RGS12: variants seen among roughly 807,000 people sequenced by gnomAD.
RGS12 encodes regulator of G-protein signaling 12.
A neutral mutation model predicts 120.1 loss-of-function variants in RGS12; 66 were observed. That is an observed-to-expected ratio of 0.55 (90% CI 0.45 to 0.67). The LOEUF (loss-of-function observed/expected upper bound fraction) is 0.67, where lower values mean the gene tolerates loss of function less well. Ranked by LOEUF, RGS12 falls within the 30% of genes least tolerant of loss-of-function variation. RGS12 has a pLI of 0.00. For missense variants in RGS12, 1,859 were observed against 1,957.7 expected (o/e 0.95, Z 0.95); for synonymous variants, 827 against 804.7 (o/e 1.03, Z -0.47).
At chr4:3,386,712 C>T (rs569613999) in intron 4 of RGS12, among the ~76,000 whole-genome samples, 6 of 152,256 alleles carry the variant, frequency 3.9e-5, no homozygotes, top group South Asian at 2.1e-4. Flanking sequence ...TGCACCCACC[C>T]GCCTGCCTGT....
chr4:3,305,882 C>G (rs1442048718), intron 1 of RGS12, among the ~76,000 whole-genome samples: 5 of 152,256 alleles, frequency 3.3e-5, no homozygotes, highest in Non-Finnish European at 5.9e-5. Context: ...GAGTTGTTTT[C>G]TCAGCCTGCT....
intron 2 of RGS12, among the ~76,000 whole-genome samples, chr4:3,328,189 G>A (rs1725689715): frequency 6.6e-6 from 1 of 152,218 alleles, no homozygotes; most frequent in Admixed American, 6.5e-5. Flanking sequence ...GCTAAATGAT[G>A]TGTACACATG....
intron 2 of RGS12, among the ~76,000 whole-genome samples, chr4:3,322,329 T>A (rs1488010332): frequency 6.6e-6 from 1 of 152,032 alleles, no homozygotes; most frequent in East Asian, 1.9e-4. Context: ...ATTCTTGAAG[T>A]GGGTGAGATG....
chr4:3,289,071 T>A (rs1722959019), upstream of RGS12, among the ~76,000 whole-genome samples: 1 of 152,132 alleles, frequency 6.6e-6, no homozygotes. Flanking sequence ...CACCTCCCCC[T>A]ATCAGCCTCC....
At chr4:3,424,121 G>A (rs1007437676) in intron 13 of RGS12, among the ~76,000 whole-genome samples, 2 of 152,264 alleles carry the variant, frequency 1.3e-5, no homozygotes, top group African/African-American at 2.4e-5. Flanking sequence ...ATTATGATGT[G>A]AATGGGGTTA....
At position 3,428,773 on chromosome 4, in the gene RGS12, T is replaced by A. The variant is rs973931792; in HGVS notation, c.3565+62T>A. 8 of 1,400,256 alleles carry A rather than the reference T, an allele frequency of 5.7e-6. No homozygotes were observed. The South Asian group carries it at 1.1e-4, about 19-fold the overall frequency. 86.7% of individuals were successfully genotyped at this position (1,400,256 alleles called of 1,614,324 possible). A position where few individuals can be genotyped will look rare whatever the true frequency, so the allele number is the denominator to read the frequency against. On this transcript the variant is annotated intron_variant, in intron 16 of 17. Transcript: ENST00000336727. ...AATGCACAGTTAGTTTCCAGTATAG[T>A]CAGTAGATCTGCTTTGAGCTGTCAG...
chr4:3,355,016 G>C (rs964501725), intron 3 of RGS12, among the ~76,000 whole-genome samples: 15 of 152,132 alleles, frequency 9.9e-5, no homozygotes, highest in African/African-American at 3.1e-4. Flanking sequence ...GAAATCATAG[G>C]CCAAGCTTGC....
intron 2 of RGS12, chr4:3,342,701 C>T (rs779663758): frequency 5.1e-6 from 4 of 787,400 alleles, no homozygotes; most frequent in Non-Finnish European, 5.7e-6. Flanking sequence ...GTCAGAGGCA[C>T]ACAGTTGGCA....
intron 3 of RGS12, among the ~76,000 whole-genome samples, chr4:3,376,793 A>T (rs1245428065): frequency 2.6e-5 from 4 of 152,160 alleles, no homozygotes; most frequent in African/African-American, 9.7e-5. Flanking sequence ...GTGAGCCACT[A>T]AGCCAGGGCA....
At chr4:3,297,003 A>G (rs1325073238) in intron 1 of RGS12, among the ~76,000 whole-genome samples, 2 of 152,386 alleles carry the variant, frequency 1.3e-5, no homozygotes, top group East Asian at 3.9e-4. Flanking sequence ...AGATTCTTCC[A>G]TGAAGGAGCC....
Position 3,430,769 on chromosome 4 carries a change from C to A in RGS12, c.3928C>A (p.Gln1310Lys), listed in dbSNP as rs1321690307. 2 of 1,610,428 alleles carry A rather than the reference C, an allele frequency of 1.2e-6. No homozygotes were observed. The highest frequency in any genetic ancestry group is 1.7e-5 in the Admixed American group (1 of 59,824). Residue 1310 changes from glutamine to lysine, a missense_variant, in exon 17 of 18, where the codon CAG (glutamine) becomes AAG (lysine). This residue lies in a region of RGS12 where 517 missense variants were observed against 488.5 expected (regional missense o/e 1.06). Transcript: ENST00000336727. Reference sequence around the variant, plus strand: ...TCCCCAGTCCCCCGTCTCCCTCGCGCAGGAGGGCACCGCCCAGATCTGGAA... The same window carrying A: ...TCCCCAGTCCCCCGTCTCCCTCGCGAAGGAGGGCACCGCCCAGATCTGGAA... Reference protein sequence around the residue: ...CTPQSPVSLAQEGTAQIWKRQ... With the variant: ...CTPQSPVSLAKEGTAQIWKRQ...
At chr4:3,362,486 G>A (rs1010128565) in intron 3 of RGS12, among the ~76,000 whole-genome samples, 13 of 148,042 alleles carry the variant, frequency 8.8e-5, no homozygotes, top group Non-Finnish European at 1.8e-4. Context: ...GTGTGTATGT[G>A]AGGGTGTGTG....
Position 3,336,824 on chromosome 4 carries a change from T to C in RGS12, c.1882-6113T>C, listed in dbSNP as rs558082517. Among the ~76,000 whole-genome samples the C allele has an allele frequency of 2.8e-4, 43 of 152,266 alleles. No homozygotes were observed. The South Asian group carries it at 8.5e-3, about 30-fold the overall frequency. On this transcript the variant is annotated intron_variant, in intron 2 of 17. Transcript: ENST00000336727. ...ACATTTGCAAGCCATGTATCTGATA[T>C]GCAGTTAATATGCAGAGTCTATAGA...
At chr4:3,290,971 T>C (rs1038840840), upstream of RGS12, among the ~76,000 whole-genome samples, 9 of 152,380 alleles carry the variant, frequency 5.9e-5, no homozygotes, top group African/African-American at 2.2e-4. Flanking sequence ...TTCACGGGGA[T>C]GGACTAGGGT....
At chr4:3,429,901 C>G (rs1694106578) in intron 16 of RGS12, among the ~76,000 whole-genome samples, 1 of 152,182 alleles carries the variant, frequency 6.6e-6, no homozygotes, top group Non-Finnish European at 1.5e-5. Flanking sequence ...TGCCCCTTCC[C>G]AGACCACCCG....
In RGS12 at chr4:3,390,822, G is replaced by T. The variant is rs1461390734; in HGVS notation, c.2020+4385G>T. 3.3e-5 allele frequency among the ~76,000 whole-genome samples: 5 copies of T among 152,200 alleles called. No homozygotes were observed. Among genetic ancestry groups the T allele is most frequent in the Non-Finnish European group, 7.3e-5 (5 of 68,046 alleles). ...ACAAACGGCTGCCTGATGGGGGAGG[G>T]TTACCGTAATTGCCGGATTAACTTG... On this transcript the variant is annotated intron_variant, in intron 4 of 17. Transcript: ENST00000336727. This position sits in a 1 kb window ranked among gnomAD's most constrained non-coding sequence, Gnocchi z 4.6.
At chr4:3,326,499 G>A (rs1578735706) in intron 2 of RGS12, among the ~76,000 whole-genome samples, 5 of 152,246 alleles carry the variant, frequency 3.3e-5, no homozygotes, top group South Asian at 4.1e-4. Context: ...TGCCTGCCTC[G>A]GCTATCCAAA....
chr4:3,435,439 G>T (rs1375883483), intron 17 of RGS12, among the ~76,000 whole-genome samples: 1 of 152,058 alleles, frequency 6.6e-6, no homozygotes, highest in Non-Finnish European at 1.5e-5. Flanking sequence ...TTTTCTTGGG[G>T]ACACAGCCCC....
chr4:3,287,176 C>T, the RGS12 span, among the ~76,000 whole-genome samples: 2 of 152,184 alleles, frequency 1.3e-5, no homozygotes, highest in Non-Finnish European at 2.9e-5. Context: ...TGTGCAGAGC[C>T]CCGGGAGGGC....
Sources: allele counts gnomAD v4.1 joint callset (sites outside exome capture counted in the v4.1 genomes callset), GRCh38; gene constraint gnomAD v4.1.1; regional missense constraint gnomAD v4.1.1; non-coding constraint Gnocchi (gnomAD v3.1); transcripts MANE v1.5; gene names NCBI Gene and HGNC (gene_info 2026-07-23, HGNC 2026-07-21).